PNPT1: variants seen among roughly 807,000 people sequenced by gnomAD.
PNPT1 encodes polyribonucleotide nucleotidyltransferase 1, also known as polyribonucleotide nucleotidyltransferase 1, mitochondrial.
A neutral mutation model predicts 119.5 loss-of-function variants in PNPT1; 53 were observed. The observed-to-expected ratio is 0.44, with a 90% CI of 0.36 to 0.56. PNPT1 has a LOEUF of 0.56. PNPT1 is among the 20% of genes least tolerant of loss of function. The probability of loss-of-function intolerance (pLI) is 0.00; values close to 1 mark genes in which losing one functional copy is unlikely to be tolerated. For synonymous variants in PNPT1, 357 were observed against 322.1 expected (o/e 1.11, Z -1.16); for missense variants, 948 against 938.5 (o/e 1.01, Z -0.13).
At chr2:55,636,569 TAAAAGAG>T (rs1364771806) in intron 27 of PNPT1, among the ~76,000 whole-genome samples, 177 bp from the exon 28 acceptor site, 6 of 152,228 alleles carry the variant, frequency 3.9e-5, no homozygotes, top group Admixed American at 1.3e-4. Context: ...GTAGTCATTA[TAAAAGAG>T]AAAAGAGACG....
At chr2:55,684,570 G>A (rs1488122793) in intron 4 of PNPT1, among the ~76,000 whole-genome samples, 1 of 152,210 alleles carries the variant, frequency 6.6e-6, no homozygotes, top group Admixed American at 6.5e-5. Flanking sequence ...AGTAGCTGAT[G>A]AACATAATGT....
chr2:55,692,240 A>C (rs891383271), intron 1 of PNPT1, among the ~76,000 whole-genome samples: 1 of 152,084 alleles, frequency 6.6e-6, no homozygotes, highest in Non-Finnish European at 1.5e-5. Context: ...TGTGTACCCC[A>C]AAAAGCCTAA....
At chr2:55,655,015 C>A in intron 17 of PNPT1, 62 bp from the exon 18 acceptor site, 1 of 1,399,662 alleles carries the variant, frequency 7.1e-7, no homozygotes, top group African/African-American at 1.4e-5. Flanking sequence ...AAAAGTGTTA[C>A]TATTGGTTAT....
intron 26 of PNPT1, among the ~76,000 whole-genome samples, chr2:55,639,968 G>A (rs1474263315): frequency 6.6e-6 from 1 of 152,132 alleles, no homozygotes; most frequent in Non-Finnish European, 1.5e-5. Flanking sequence ...ATAACCAGCT[G>A]TACCAATATA....
In PNPT1 at chr2:55,668,039, C is replaced by T. The variant is rs192030972; in HGVS notation, c.977-81G>A. ...TTCTCTAAAGTTCATAGCATAATATCAACTAACTACGGGAATCAACCAAGG... is the reference window on the plus strand; with the variant it reads ...TTCTCTAAAGTTCATAGCATAATATTAACTAACTACGGGAATCAACCAAGG... On this transcript the variant is annotated intron_variant, in intron 11 of 27. Transcript: ENST00000447944. 43 of 1,199,638 alleles carry T rather than the reference C, an allele frequency of 3.6e-5. 1 individual carries two copies. In the African/African-American group the frequency reaches 5.7e-4, roughly 16 times the overall value. The allele number at this position is 1,199,638 out of a possible 1,614,324, so 74.3% of individuals were successfully genotyped here.
At chr2:55,683,877 T>C (rs1373748718) in intron 4 of PNPT1, 43 bp from the exon 5 acceptor site, 2 of 1,590,984 alleles carry the variant, frequency 1.3e-6, no homozygotes, top group Non-Finnish European at 1.7e-6. Flanking sequence ...ACTGACAGAG[T>C]TGCTTTACAG....
At chr2:55,637,261 G>C (rs572850586) in intron 27 of PNPT1, among the ~76,000 whole-genome samples, 1 of 152,278 alleles carries the variant, frequency 6.6e-6, no homozygotes, top group East Asian at 1.9e-4. Flanking sequence ...CAGTTCTTAC[G>C]TCAGTGCCCA....
intron 18 of PNPT1, among the ~76,000 whole-genome samples, chr2:55,653,162 AC>A (rs1696266635): frequency 6.6e-6 from 1 of 152,140 alleles, no homozygotes; most frequent in Non-Finnish European, 1.5e-5. Flanking sequence ...TCCTTTCTAA[AC>A]TACTTATAAA....
chr2:55,671,862 T>G, intron 10 of PNPT1, 133 bp downstream of exon 10: 1 of 669,750 alleles, frequency 1.5e-6, no homozygotes, highest in South Asian at 2.3e-5. Flanking sequence ...GAGAAACAAT[T>G]AGGCTTTTGT....
chr2:55,637,619 T>A lies in PNPT1; in HGVS notation c.2149-20A>T. 1 of 1,575,806 alleles carries A rather than the reference T, an allele frequency of 6.3e-7. No individual in the cohort carries two copies. The highest frequency in any genetic ancestry group is 8.7e-7 in the Non-Finnish European group (1 of 1,145,444). On this transcript the variant is annotated intron_variant, in intron 26 of 27. Coordinates refer to ENST00000447944, the MANE Select transcript of PNPT1 (RefSeq NM_033109.5). ...TTTAATCTGGAAAAAAAAATGTTAATCTATTAGTTGTTGTGCATAATTATG... is the reference window on the plus strand; with the variant it reads ...TTTAATCTGGAAAAAAAAATGTTAAACTATTAGTTGTTGTGCATAATTATG...
intron 18 of PNPT1, among the ~76,000 whole-genome samples, chr2:55,648,403 G>C (rs1696072026): frequency 6.6e-6 from 1 of 152,154 alleles, no homozygotes; most frequent in Non-Finnish European, 1.5e-5. Context: ...ATTTACGTTT[G>C]TTAGACTGTC....
intron 14 of PNPT1, among the ~76,000 whole-genome samples, chr2:55,661,070 G>A (rs1246986808): frequency 6.6e-6 from 1 of 151,206 alleles, no homozygotes; most frequent in African/African-American, 2.4e-5. Context: ...AATAATGCTG[G>A]TGAGGACTGC....
intron 12 of PNPT1, among the ~76,000 whole-genome samples, chr2:55,667,486 C>T (rs960991154): frequency 6.6e-6 from 1 of 151,618 alleles, no homozygotes; most frequent in Non-Finnish European, 1.5e-5. Context: ...CCCAGCTACT[C>T]GGGAGGCTGA....
intron 1 of PNPT1, among the ~76,000 whole-genome samples, chr2:55,688,070 G>C (rs1697470787): frequency 6.6e-6 from 1 of 150,918 alleles, no homozygotes; most frequent in African/African-American, 2.4e-5. Context: ...TTGAGACAGG[G>C]TCTTGCTCTG....
rs539526919 is a variant in PNPT1 at position 55,643,563 on chromosome 2, A to C, written c.1907-138T>G. Reference sequence around the variant, plus strand: ...AGTTCAAGGCCAGCCTGGGCAACATAGGGAGAGCCTGTTACTACAAAAAAT... The same window carrying C: ...AGTTCAAGGCCAGCCTGGGCAACATCGGGAGAGCCTGTTACTACAAAAAAT... On this transcript the variant is annotated intron_variant, in intron 23 of 27. Coordinates refer to ENST00000447944, the MANE Select transcript of PNPT1 (RefSeq NM_033109.5). 6.4e-5 allele frequency: 44 copies of C among 684,744 alleles called. No individual in the cohort carries two copies. In the African/African-American group the frequency reaches 7.4e-4, roughly 12 times the overall value. The allele number at this position is 684,744 out of a possible 1,614,324, so 42.4% of individuals were successfully genotyped here.
chr2:55,690,088 C>G (rs1697543289), intron 1 of PNPT1, among the ~76,000 whole-genome samples: 1 of 152,166 alleles, frequency 6.6e-6, no homozygotes, highest in African/African-American at 2.4e-5. Flanking sequence ...TCTCAAAGTG[C>G]TAGGATTACA....
Position 55,661,946 on chromosome 2 carries a change from C to T in PNPT1, c.1247+10G>A, listed in dbSNP as rs1263796493. The T allele has an allele frequency of 2.6e-6, 4 of 1,545,828 alleles. No individual in the cohort carries two copies. The highest frequency in any genetic ancestry group is 3.5e-6 in the Non-Finnish European group (4 of 1,153,092). On this transcript the variant is annotated intron_variant, in intron 14 of 27. Transcript: ENST00000447944. ...TAAAACGTAACAAACATCTTAAAAA[C>T]ATAACTTACTTTATAGCTGTTATAA...
intron 18 of PNPT1, among the ~76,000 whole-genome samples, chr2:55,651,047 C>T (rs1311141196): frequency 1.3e-5 from 2 of 148,296 alleles, no homozygotes; most frequent in African/African-American, 2.5e-5. Context: ...TCTGCCTGGC[C>T]GGCCGCCCCG....
intron 11 of PNPT1, among the ~76,000 whole-genome samples, chr2:55,668,382 G>A (rs1031785555): frequency 3.3e-5 from 5 of 151,040 alleles, no homozygotes; most frequent in African/African-American, 4.9e-5. Context: ...GACTACAGGC[G>A]TGTACCACCA....
Sources: gnomAD v4.1 joint callset for allele counts (sites outside exome capture counted in the v4.1 genomes callset) on GRCh38, gnomAD v4.1.1 for gene constraint, MANE v1.5 for transcripts, NCBI Gene and HGNC (gene_info 2026-07-23, HGNC 2026-07-21) for gene names.